The following APBA2 variants were observed in gnomAD, a reference collection of about 807,000 sequenced individuals.
APBA2 encodes amyloid beta precursor protein binding family A member 2.
Under a neutral mutation model 75.0 loss-of-function variants are expected in APBA2, and 30 were observed. That is an observed-to-expected ratio of 0.40 (90% CI 0.30 to 0.54). APBA2 has a LOEUF of 0.54. Among genes scored for constraint, APBA2 ranks in the 20% least tolerant of loss-of-function variants. The probability of loss-of-function intolerance (pLI) is 0.49; values close to 1 mark genes in which losing one functional copy is unlikely to be tolerated. For synonymous variants in APBA2, 444 were observed against 409.6 expected, an observed-to-expected ratio of 1.08 and a Z score of -1.01; for missense variants, 801 against 1,016.1, an observed-to-expected ratio of 0.79 and a Z score of 2.88.
chr15:29,095,463 ATTTG>A (rs930148136), intron 8 of APBA2, among the ~76,000 whole-genome samples: 1 of 152,168 alleles, frequency 6.6e-6, no homozygotes, highest in African/African-American at 2.4e-5. Context: ...ACATCGAGTC[ATTTG>A]TTTGTCACCT....
chr15:28,917,681 TA>T, intron 1 of APBA2, among the ~76,000 whole-genome samples: 1 of 152,192 alleles, frequency 6.6e-6, no homozygotes, highest in African/African-American at 2.4e-5. Flanking sequence ...AGCCCATAGT[TA>T]AAACATATTG....
chr15:29,091,657 T>G (rs1010524089), intron 6 of APBA2, among the ~76,000 whole-genome samples: 1 of 152,214 alleles, frequency 6.6e-6, no homozygotes, highest in Middle Eastern at 3.2e-3. Flanking sequence ...GCTGAACTCC[T>G]GTGGGCAGAT....
intron 1 of APBA2, among the ~76,000 whole-genome samples, chr15:28,898,618 A>G (rs150389824): frequency 6.6e-6 from 1 of 152,266 alleles, no homozygotes; most frequent in East Asian, 1.9e-4. Flanking sequence ...GGTGCTGATG[A>G]TGTCCCCTTT....
intron 9 of APBA2, among the ~76,000 whole-genome samples, chr15:29,099,143 C>T (rs550738717): frequency 1.8e-4 from 28 of 152,260 alleles, no homozygotes; most frequent in African/African-American, 5.8e-4. Flanking sequence ...GGGCTTGCGA[C>T]GCTTCACAGA....
chr15:29,090,093 G>T (rs941891796), intron 6 of APBA2, among the ~76,000 whole-genome samples: 1 of 152,194 alleles, frequency 6.6e-6, no homozygotes, highest in African/African-American at 2.4e-5. Context: ...TTCTCCTCCC[G>T]TGGTGCGTGT....
At chr15:29,104,387 A>T (rs752051749) in intron 10 of APBA2, among the ~76,000 whole-genome samples, 14 of 152,218 alleles carry the variant, frequency 9.2e-5, no homozygotes, top group Non-Finnish European at 1.9e-4. Context: ...AGGGCTGCAC[A>T]GCTGCCAGCC....
chr15:28,896,894 C>T (rs996373301), intron 1 of APBA2, among the ~76,000 whole-genome samples: 4 of 152,152 alleles, frequency 2.6e-5, no homozygotes, highest in African/African-American at 9.7e-5. Context: ...CCCACCCATC[C>T]AGTCCCTGAC....
At chr15:29,057,347 C>G (rs956212139) in intron 4 of APBA2, among the ~76,000 whole-genome samples, 2 of 152,176 alleles carry the variant, frequency 1.3e-5, no homozygotes, top group African/African-American at 4.8e-5. Flanking sequence ...TAGCAACCCT[C>G]CCCTCTCTTC....
At chr15:29,066,324 A>G (rs2042377505) in intron 4 of APBA2, among the ~76,000 whole-genome samples, 1 of 152,178 alleles carries the variant, frequency 6.6e-6, no homozygotes, top group South Asian at 2.1e-4. Flanking sequence ...TCTGAGCCAC[A>G]AGCATAGCGA....
Position 29,101,769 on chromosome 15 carries a change from G to A in APBA2, c.1509G>A (p.Val503=), listed in dbSNP as rs754993771. The part of the protein sequence containing the change: ...GKKQYKMICH[V]FESEDAQLIA... Reference sequence around the variant, plus strand: ...AGCAGTATAAGATGATCTGCCATGTGTTCGAGTCGGAGGATGTAAGTAAGC... The same window carrying A: ...AGCAGTATAAGATGATCTGCCATGTATTCGAGTCGGAGGATGTAAGTAAGC... The change falls in exon 10 of 15, where the codon GTG becomes GTA. Residue 503 remains valine (V), a synonymous_variant. Transcript: ENST00000683413. The A allele has an allele frequency of 1.2e-6, 2 of 1,613,454 alleles. No individual in the cohort carries two copies. The highest frequency in any genetic ancestry group is 3.3e-5 in the Admixed American group (2 of 60,012).
intron 2 of APBA2, among the ~76,000 whole-genome samples, chr15:28,973,617 T>G (rs1435034166): frequency 1.3e-5 from 2 of 152,176 alleles, no homozygotes; most frequent in East Asian, 1.9e-4. Flanking sequence ...GATAGTATTT[T>G]TACACTTAAA....
chr15:28,973,671 G>A (rs1215991286), intron 2 of APBA2, among the ~76,000 whole-genome samples: 4 of 152,122 alleles, frequency 2.6e-5, no homozygotes, highest in Non-Finnish European at 2.9e-5. Flanking sequence ...ATGTATGACC[G>A]AAAGAAAGGT....
At position 28,910,211 on chromosome 15, in the gene APBA2, T is replaced by C. The variant is rs377719426; in HGVS notation, c.-204-11429T>C. On this transcript the variant is annotated intron_variant, in intron 1 of 14. Coordinates refer to ENST00000683413, the MANE Select transcript of APBA2 (RefSeq NM_001353788.2). ...CTTTGGTCTGAGTAAAAGAATTGTC[T>C]CCTTTTTTTAGGGCCATGTACAGCA... Among the ~76,000 whole-genome samples, 18 of 152,294 alleles carry C rather than the reference T, an allele frequency of 1.2e-4. No homozygotes were observed. The East Asian group carries it at 2.9e-3, about 25-fold the overall frequency.
intron 2 of APBA2, among the ~76,000 whole-genome samples, chr15:28,948,265 C>T (rs993779286): frequency 3.9e-5 from 6 of 152,166 alleles, no homozygotes; most frequent in African/African-American, 1.2e-4. Flanking sequence ...GAGGCCACGG[C>T]GCTTTCTTTC....
At chr15:28,974,490 GT>G (rs1198666951) in intron 2 of APBA2, among the ~76,000 whole-genome samples, 1 of 152,144 alleles carries the variant, frequency 6.6e-6, no homozygotes, top group Non-Finnish European at 1.5e-5. Context: ...ATACAACTTT[GT>G]TTCGAGACTA....
chr15:28,956,661 A>C (rs1333508329), intron 2 of APBA2, among the ~76,000 whole-genome samples: 1 of 152,086 alleles, frequency 6.6e-6, no homozygotes, highest in East Asian at 1.9e-4. Flanking sequence ...CCATCACCCC[A>C]TCCACCTCCA....
chr15:28,900,018 G>C (rs1291478442), intron 1 of APBA2, among the ~76,000 whole-genome samples: 5 of 152,134 alleles, frequency 3.3e-5, no homozygotes, highest in Admixed American at 3.3e-4. Context: ...AGGAGGTGAG[G>C]GACCCCTGGG....
intron 2 of APBA2, among the ~76,000 whole-genome samples, chr15:28,992,842 C>T (rs1338063486): frequency 3.3e-5 from 5 of 152,230 alleles, no homozygotes; most frequent in Non-Finnish European, 7.3e-5. Flanking sequence ...TGAATGGCTA[C>T]ACTTGGAGAG....
intron 1 of APBA2, among the ~76,000 whole-genome samples, chr15:28,893,207 T>C (rs2032249659): frequency 6.6e-6 from 1 of 152,214 alleles, no homozygotes; most frequent in Admixed American, 6.5e-5. Flanking sequence ...CGTGGAGATC[T>C]GTGTCCCATT....
Sources: allele counts gnomAD v4.1 joint callset (sites outside exome capture counted in the v4.1 genomes callset), GRCh38; gene constraint gnomAD v4.1.1; transcripts MANE v1.5; gene names NCBI Gene and HGNC (gene_info 2026-07-23, HGNC 2026-07-21).